The following GRIN2A variants were observed in gnomAD, a reference collection of about 807,000 sequenced individuals.
The protein encoded by GRIN2A is glutamate receptor ionotropic, NMDA 2A.
In GRIN2A, 22 loss-of-function variants were observed where a neutral mutation model predicts 113.4. The ratio of observed to expected loss-of-function variants is 0.19; its 90% CI spans 0.14 to 0.28. GRIN2A has a LOEUF of 0.28. Among genes scored for constraint, GRIN2A ranks in the 10% least tolerant of loss-of-function variants. The pLI is 1.00. For missense variants in GRIN2A, 1,502 were observed against 1,887.0 expected, an observed-to-expected ratio of 0.80 and a Z score of 3.78; for synonymous variants, 827 against 738.4, an observed-to-expected ratio of 1.12 and a Z score of -1.94.
intron 3 of GRIN2A, among the ~76,000 whole-genome samples, chr16:9,908,834 G>A (rs370878969): frequency 6.6e-6 from 1 of 152,266 alleles, no homozygotes; most frequent in East Asian, 1.9e-4. Context: ...GCAGTGAGGG[G>A]ATGCACCACA....
intron 4 of GRIN2A, among the ~76,000 whole-genome samples, chr16:9,866,015 G>A (rs2043154812): frequency 2.0e-5 from 3 of 152,186 alleles, no homozygotes; most frequent in Admixed American, 2.0e-4. Context: ...GCTTGCCATA[G>A]AGAGAGTATG....
chr16:9,797,370 A>G (rs578236431), intron 11 of GRIN2A, among the ~76,000 whole-genome samples: 2 of 152,182 alleles, frequency 1.3e-5, no homozygotes, highest in Non-Finnish European at 2.9e-5. Flanking sequence ...CTGCCATTCC[A>G]AGCCACGGCC....
intron 4 of GRIN2A, among the ~76,000 whole-genome samples, chr16:9,866,648 G>A (rs1023892333): frequency 6.6e-6 from 1 of 152,148 alleles, no homozygotes; most frequent in Non-Finnish European, 1.5e-5. Context: ...CTAGGACTTA[G>A]TACTCCTTAC....
Position 9,969,889 on chromosome 16 carries a change from C to T in GRIN2A, c.415-31338G>A, listed in dbSNP as rs1039900500. Among the ~76,000 whole-genome samples, 7 of 152,368 alleles carry T rather than the reference C, an allele frequency of 4.6e-5. No individual in the cohort carries two copies. The East Asian group carries it at 1.3e-3, about 29-fold the overall frequency. ...CAACTCTGCCTTAAAGCCTTAGCTG[C>T]ATCAGCAGCTCACAGGAGACTCACA... On this transcript the variant is annotated intron_variant, in intron 2 of 12. Transcript: ENST00000330684.
At chr16:10,034,495 A>G (rs2046987564) in intron 2 of GRIN2A, among the ~76,000 whole-genome samples, 1 of 135,802 alleles carries the variant, frequency 7.4e-6, no homozygotes, top group Non-Finnish European at 1.5e-5. Context: ...ACTGCACCCC[A>G]GGCTGGACGA....
In GRIN2A at chr16:9,812,867, A is replaced by AT. The variant is rs562775632; in HGVS notation, c.2168+9396dup. Among the ~76,000 whole-genome samples, 470 of 152,282 alleles carry AT rather than the reference A, an allele frequency of 3.1e-3. 1 individual carries two copies. The highest frequency in any genetic ancestry group is 0.01 in the Middle Eastern group (3 of 294). On this transcript the variant is annotated intron_variant, in intron 10 of 12. Transcript: ENST00000330684. Reference sequence around the variant, plus strand: ...AGTCTTAGGGAAAGTCAGTAAACAGATTTTCAGGCCAAAGGCTCCACAATT... The same window carrying AT: ...AGTCTTAGGGAAAGTCAGTAAACAGATTTTTCAGGCCAAAGGCTCCACAATT...
chr16:9,771,814 T>C (rs1596386201), intron 11 of GRIN2A, among the ~76,000 whole-genome samples: 1 of 152,204 alleles, frequency 6.6e-6, no homozygotes, highest in East Asian at 1.9e-4. Context: ...GAAAAATTTT[T>C]ACTTTGATTA....
chr16:9,965,966 T>C (rs1596369794), intron 2 of GRIN2A, among the ~76,000 whole-genome samples: 1 of 152,362 alleles, frequency 6.6e-6, no homozygotes, highest in Non-Finnish European at 1.5e-5. Context: ...TTACAATACT[T>C]TCTGGTAGCT....
At position 10,073,911 on chromosome 16, in the gene GRIN2A, C is replaced by A. The variant is rs1393459459; in HGVS notation, c.414+106087G>T. ...CTCCAATCTGTGTGACAGAGTGAGA[C>A]CCCCGTCACAAAAAAAAAAAAAACG... On this transcript the variant is annotated intron_variant, in intron 2 of 12. Transcript: ENST00000330684. 1.1e-4 allele frequency among the ~76,000 whole-genome samples: 13 copies of A among 115,068 alleles called. No individual in the cohort carries two copies. The Admixed American group carries it at 1.2e-3, about 11-fold the overall frequency. The allele number at this position is 115,068 out of a possible 152,430, so 75.5% of individuals were successfully genotyped here. A position where few individuals can be genotyped will look rare whatever the true frequency, so the allele number is the denominator to read the frequency against.
intron 9 of GRIN2A, among the ~76,000 whole-genome samples, chr16:9,825,164 C>T (rs915704780): frequency 6.6e-6 from 1 of 152,210 alleles, no homozygotes; most frequent in African/African-American, 2.4e-5. Context: ...TTTGGACTTA[C>T]AGGAGACAAG....
At chr16:9,887,468 GTCTT>G (rs2043607546) in intron 4 of GRIN2A, among the ~76,000 whole-genome samples, 2 of 152,222 alleles carry the variant, frequency 1.3e-5, no homozygotes, top group East Asian at 1.9e-4. Flanking sequence ...AATCTTTCGT[GTCTT>G]TCTTTGATTC....
intron 2 of GRIN2A, among the ~76,000 whole-genome samples, chr16:9,960,012 T>C (rs1488516375): frequency 2.0e-5 from 3 of 152,048 alleles, no homozygotes; most frequent in Admixed American, 6.6e-5. Flanking sequence ...CCAGCAAACC[T>C]AGAAACTCAC....
At chr16:9,998,266 G>A (rs775983040) in intron 2 of GRIN2A, among the ~76,000 whole-genome samples, 8 of 152,052 alleles carry the variant, frequency 5.3e-5, no homozygotes, top group Non-Finnish European at 8.8e-5. Flanking sequence ...CATGAACCTC[G>A]AAAACGTCAT....
At chr16:9,787,829 T>C (rs535617765) in intron 11 of GRIN2A, among the ~76,000 whole-genome samples, 1 of 152,304 alleles carries the variant, frequency 6.6e-6, no homozygotes, top group Admixed American at 6.5e-5. Flanking sequence ...CCCCTCTATT[T>C]TTACTTTGCA....
At chr16:9,877,788 A>C (rs1473919291) in intron 4 of GRIN2A, among the ~76,000 whole-genome samples, 348 of 22,286 alleles carry the variant, frequency 0.016, no homozygotes, top group African/African-American at 0.017. Flanking sequence ...TCCCGCTCTC[A>C]CTCTCCCCCT....
chr16:9,992,606 G>A (rs890525243), intron 2 of GRIN2A, among the ~76,000 whole-genome samples: 7 of 152,194 alleles, frequency 4.6e-5, no homozygotes, highest in Admixed American at 4.6e-4. Context: ...TTTCTGAAAC[G>A]AATGCTCTGG....
intron 12 of GRIN2A, among the ~76,000 whole-genome samples, chr16:9,766,515 AT>A (rs2141142485): frequency 6.6e-6 from 1 of 152,286 alleles, no homozygotes; most frequent in Admixed American, 6.5e-5. Flanking sequence ...GGGCACTGGC[AT>A]TACATCCTTT....
intron 2 of GRIN2A, among the ~76,000 whole-genome samples, chr16:10,081,677 C>A (rs1224594684): frequency 6.6e-6 from 1 of 152,180 alleles, no homozygotes; most frequent in Non-Finnish European, 1.5e-5. Flanking sequence ...GATAAAGTTT[C>A]TAGCTGGAAC....
Position 9,757,851 on chromosome 16 carries a change from G to A in GRIN2A, c.*5298C>T. The A allele has an allele frequency of 4.4e-6, 1 of 226,164 alleles. No individual in the cohort carries two copies. Among genetic ancestry groups the A allele is most frequent in the Non-Finnish European group, 8.8e-6 (1 of 113,428 alleles). The allele number at this position is 226,164 out of a possible 1,614,324, so 14.0% of individuals were successfully genotyped here. On this transcript the variant is annotated 3_prime_UTR_variant, in exon 13 of 13. Transcript: ENST00000330684. ...AACCAAATTCAAAGAAGCATGGGTA[G>A]GTCTTTCTGGGGCAAGTGGCAAAAA...
Sources: allele counts gnomAD v4.1 joint callset (sites outside exome capture counted in the v4.1 genomes callset), GRCh38; gene constraint gnomAD v4.1.1; transcripts MANE v1.5; gene names NCBI Gene and HGNC (gene_info 2026-07-23, HGNC 2026-07-21).